Variants in GON4L observed in about 807,000 individuals in gnomAD.
GON4L encodes GON-4-like protein.
In GON4L, 87 loss-of-function variants were observed where a neutral mutation model predicts 211.8. The ratio of observed to expected loss-of-function variants is 0.41; its 90% CI spans 0.35 to 0.49. The LOEUF is 0.49. Among genes scored for constraint, GON4L ranks in the 20% least tolerant of loss-of-function variants. The probability of loss-of-function intolerance (pLI) is 0.15; values close to 1 mark genes in which losing one functional copy is unlikely to be tolerated. For synonymous variants in GON4L, 875 were observed against 962.6 expected, an observed-to-expected ratio of 0.91 and a Z score of 1.68; for missense variants, 2,155 against 2,659.5, an observed-to-expected ratio of 0.81 and a Z score of 4.17.
At chr1:155,821,037 C>T (rs184849462) in intron 5 of GON4L, among the ~76,000 whole-genome samples, 36 of 152,132 alleles carry the variant, frequency 2.4e-4, no homozygotes, top group East Asian at 1.9e-3. Flanking sequence ...GAGGCCGAGG[C>T]GGGCGGATCA....
At chr1:155,778,530 C>G (rs822026) in intron 14 of GON4L, among the ~76,000 whole-genome samples, 127,080 of 152,076 alleles carry the variant, frequency 0.84, 55,544 homozygotes, top group East Asian at 1. Context: ...GGATTACAGG[C>G]GTAAGCCACC....
intron 2 of GON4L, among the ~76,000 whole-genome samples, chr1:155,848,270 C>G (rs981099986): frequency 6.6e-6 from 1 of 152,136 alleles, no homozygotes; most frequent in South Asian, 2.1e-4. Flanking sequence ...AACTCATACC[C>G]AAATCTGAAC....
At chr1:155,784,114 T>C (rs566908439) in intron 13 of GON4L, 25 bp from the exon 14 acceptor site, 45 of 1,612,458 alleles carry the variant, frequency 2.8e-5, no homozygotes, top group Non-Finnish European at 3.6e-5. Flanking sequence ...AAGGGAGGGT[T>C]TTCCTGGGGA....
intron 5 of GON4L, among the ~76,000 whole-genome samples, chr1:155,820,992 C>T (rs1017042834): frequency 2.6e-5 from 4 of 151,990 alleles, no homozygotes; most frequent in African/African-American, 9.7e-5. Context: ...CAAGGCCGGG[C>T]GCGGTGGCTC....
At chr1:155,778,656 C>T (rs1664079372) in intron 14 of GON4L, among the ~76,000 whole-genome samples, 1 of 152,110 alleles carries the variant, frequency 6.6e-6, no homozygotes, top group Non-Finnish European at 1.5e-5. Flanking sequence ...CAACCCATCA[C>T]CTTGGTATTA....
rs763348329 is a variant in GON4L at position 155,804,979 on chromosome 1, C to T, written c.1615G>A (p.Gly539Arg). The T allele has an allele frequency of 1.2e-6, 2 of 1,613,792 alleles. No homozygotes were observed. The highest frequency in any genetic ancestry group is 1.3e-5 in the African/African-American group (1 of 74,986). The change falls in exon 11 of 32, where the codon GGA (glycine) becomes AGA (arginine). Residue 539 changes from glycine to arginine, a missense_variant. By Grantham distance (125) the Gly-to-Arg change is moderately radical (BLOSUM62 -2). Coordinates refer to ENST00000368331, the MANE Select transcript of GON4L (RefSeq NM_001282860.2). ...TTCCCCACATCATCATTCATAAGTCCCCCCAGCCACATCTTCCAGTCCTCA... is the reference window on the plus strand; with the variant it reads ...TTCCCCACATCATCATTCATAAGTCTCCCCAGCCACATCTTCCAGTCCTCA... ...DDEDWKMWLG[G>R]LMNDDVGNED...
At chr1:155,817,819 G>A (rs1025191783) in intron 6 of GON4L, among the ~76,000 whole-genome samples, 17 of 151,434 alleles carry the variant, frequency 1.1e-4, no homozygotes, top group African/African-American at 3.4e-4. Context: ...AGCTGTCTGC[G>A]AGGCTAAGGC....
chr1:155,774,811 G>A, intron 17 of GON4L, 191 bp downstream of exon 17: 2 of 918,796 alleles, frequency 2.2e-6, no homozygotes, highest in South Asian at 3.0e-5. Context: ...CTTTACCCAG[G>A]CCCAGAGATT....
chr1:155,813,569 C>T, intron 10 of GON4L, 65 bp downstream of exon 10: 1 of 1,212,916 alleles, frequency 8.2e-7, no homozygotes, highest in Non-Finnish European at 1.2e-6. Flanking sequence ...TCTCCCTTCC[C>T]AGCCTGAGCA....
rs1487570990 is a variant in GON4L at position 155,751,834 on chromosome 1, T to C, written c.6509A>G (p.Glu2170Gly). 18 of 1,613,606 alleles carry C rather than the reference T, an allele frequency of 1.1e-5. No individual in the cohort carries two copies. Among genetic ancestry groups the C allele is most frequent in the Admixed American group, 5.0e-5 (3 of 59,990 alleles). Residue 2170 changes from glutamate to glycine, a missense_variant, in exon 31 of 32, where the codon GAG (glutamate) becomes GGG (glycine). This residue lies in a region of GON4L where 186 missense variants were observed against 308.1 expected (regional missense o/e 0.60). Coordinates refer to ENST00000368331, the MANE Select transcript of GON4L (RefSeq NM_001282860.2). ...ADRVILTMCQ[E>G]QGAQPQTFNI... ...GAAGGTCTGTGGCTGTGCCCCTTGC[T>C]CCTGGCACATGGTGAGGATCACACG...
intron 14 of GON4L, among the ~76,000 whole-genome samples, chr1:155,779,814 T>C (rs1323570860): frequency 1.3e-5 from 2 of 151,420 alleles, no homozygotes; most frequent in Non-Finnish European, 3.0e-5. Context: ...TATTTATTTA[T>C]TGAAATGGAG....
chr1:155,824,308 C>T (rs1668982767), intron 3 of GON4L, among the ~76,000 whole-genome samples: 1 of 151,154 alleles, frequency 6.6e-6, no homozygotes, highest in Non-Finnish European at 1.5e-5. Flanking sequence ...GTGGCACGTG[C>T]CTGTAGTCCC....
chr1:155,824,759 T>A (rs1669035204), intron 3 of GON4L, among the ~76,000 whole-genome samples: 3 of 95,958 alleles, frequency 3.1e-5, no homozygotes, highest in Admixed American at 1.2e-4. Flanking sequence ...AAAGACTCTG[T>A]CGCAAAAAAA....
At chr1:155,785,102 C>A in intron 13 of GON4L, 1 of 590,238 alleles carries the variant, frequency 1.7e-6, no homozygotes, top group South Asian at 1.6e-5. Flanking sequence ...CCCCCTCAAA[C>A]AAAAAGAAGT....
chr1:155,788,989 C>G (rs12120686), intron 12 of GON4L, among the ~76,000 whole-genome samples: 2 of 151,094 alleles, frequency 1.3e-5, no homozygotes. Flanking sequence ...ACTCGGGAGT[C>G]TGAGGCAGGA....
intron 30 of GON4L, 39 bp downstream of exon 30, chr1:155,751,921 A>G (rs757327743): frequency 2.1e-5 from 34 of 1,612,546 alleles, no homozygotes; most frequent in Non-Finnish European, 2.8e-5. Flanking sequence ...GATGTGGTCT[A>G]TGCTCTTTTC....
At chr1:155,824,434 CAAAAAAAAAAAA>C (rs769823401) in intron 3 of GON4L, among the ~76,000 whole-genome samples, 7 of 7,440 alleles carry the variant, frequency 9.4e-4, no homozygotes, top group African/African-American at 1.6e-3. Context: ...AACTCCACAT[CAAAAAAAAAAAA>C]AAAAAAAAAA....
intron 2 of GON4L, 23 bp from the exon 3 acceptor site, chr1:155,827,051 T>C (rs925755595): frequency 6.4e-7 from 1 of 1,554,910 alleles, no homozygotes; most frequent in Admixed American, 1.7e-5. Context: ...CAAATATTGC[T>C]CCACACTTTG....
chr1:155,778,536 C>T (rs1664066453), intron 14 of GON4L, among the ~76,000 whole-genome samples: 1 of 152,164 alleles, frequency 6.6e-6, no homozygotes, highest in African/African-American at 2.4e-5. Flanking sequence ...CAGGCGTAAG[C>T]CACCATGCCT....
Sources: gnomAD v4.1 joint callset for allele counts (sites outside exome capture counted in the v4.1 genomes callset) on GRCh38, gnomAD v4.1.1 for gene constraint, gnomAD v4.1.1 regional missense constraint, MANE v1.5 for transcripts, NCBI Gene and HGNC (gene_info 2026-07-23, HGNC 2026-07-21) for gene names.